Variants in PCDHGA12 observed in about 807,000 individuals in gnomAD.
The protein encoded by PCDHGA12 is protocadherin gamma-A12.
A neutral mutation model predicts 61.1 loss-of-function variants in PCDHGA12; 43 were observed. The ratio of observed to expected loss-of-function variants is 0.70; its 90% CI spans 0.55 to 0.91. The LOEUF (loss-of-function observed/expected upper bound fraction) is 0.91, where lower values mean the gene tolerates loss of function less well. Ranked by LOEUF, PCDHGA12 falls within the 40% of genes least tolerant of loss-of-function variation. PCDHGA12 has a pLI of 0.00. For synonymous variants in PCDHGA12, 520 were observed against 542.9 expected, an observed-to-expected ratio of 0.96 and a Z score of 0.59; for missense variants, 1,236 against 1,227.7, an observed-to-expected ratio of 1.01 and a Z score of -0.10.
chr5:141,454,857 G>C (rs1365819097), intron 1 of PCDHGA12, among the ~76,000 whole-genome samples: 2 of 131,566 alleles, frequency 1.5e-5, no homozygotes, highest in African/African-American at 6.0e-5. Context: ...ACCCAGGCTG[G>C]AGTGCAGTGG....
intron 1 of PCDHGA12, among the ~76,000 whole-genome samples, chr5:141,467,304 C>T (rs567912553): frequency 2.0e-5 from 3 of 152,266 alleles, no homozygotes; most frequent in Admixed American, 6.5e-5. Flanking sequence ...CCACTCACCT[C>T]GGCCTCCCAC....
rs2099747616 is a variant in PCDHGA12 at position 141,493,318 on chromosome 5, TA to T, written c.2425-1487del. 6.6e-6 allele frequency among the ~76,000 whole-genome samples: 1 copy of T among 152,234 alleles called. No homozygotes were observed. Among genetic ancestry groups the T allele is most frequent in the South Asian group, 2.1e-4 (1 of 4,828 alleles). On this transcript the variant is annotated intron_variant, in intron 1 of 3. Coordinates refer to ENST00000252085, the MANE Select transcript of PCDHGA12 (RefSeq NM_003735.3). This position sits in a 1 kb window ranked among gnomAD's most constrained non-coding sequence, Gnocchi z 4.3. ...TTCACAGAGCAAGTAAGAGAGATTC[TA>T]ACCCCTGTCTAACTCCAGAATGTGT...
intron 1 of PCDHGA12, among the ~76,000 whole-genome samples, chr5:141,452,664 T>C (rs557662640): frequency 6.6e-6 from 1 of 151,058 alleles, no homozygotes; most frequent in South Asian, 2.1e-4. Context: ...TCCACTGCAC[T>C]CCAGCCTAGG....
chr5:141,431,462 G>A lies in PCDHGA12; in HGVS notation c.703G>A (p.Ala235Thr). ...TARIRVMVLD[A>T]NDNAPAFAQP... is the part of the protein sequence containing the mutation. ...GCGCATCCGCGTGATGGTTCTGGAT[G>A]CGAACGACAACGCACCAGCGTTTGC... Residue 235 changes from alanine (A) to threonine (T), a missense_variant, in exon 1 of 4, where the codon GCG becomes ACG. Physicochemically the swap from Ala to Thr is moderately conservative, Grantham distance 58. Transcript: ENST00000252085. This position sits in a 1 kb window ranked among gnomAD's most constrained non-coding sequence, Gnocchi z 4.8. 6.2e-7 allele frequency: 1 copy of A among 1,613,826 alleles called. No individual in the cohort carries two copies. The highest frequency in any genetic ancestry group is 2.2e-5 in the East Asian group (1 of 44,886).
Position 141,476,214 on chromosome 5 carries a change from T to C in PCDHGA12, c.2425-18593T>C, listed in dbSNP as rs768153063. 1 of 1,613,974 alleles carries C rather than the reference T, an allele frequency of 6.2e-7. No homozygotes were observed. Among genetic ancestry groups the C allele is most frequent in the African/African-American group, 1.3e-5 (1 of 74,990 alleles). ...GCCTTGAACAAGGCTTCCACGGTCA[T>C]TCACTATGAGATCCCGGAGGAAAGA... On this transcript the variant is annotated intron_variant, in intron 1 of 3. Coordinates refer to ENST00000252085, the MANE Select transcript of PCDHGA12 (RefSeq NM_003735.3). The surrounding 1 kb of genome is among the most constrained non-coding windows in gnomAD (Gnocchi z 7.6).
At chr5:141,473,511 C>T (rs952034051) in intron 1 of PCDHGA12, among the ~76,000 whole-genome samples, 23 of 152,108 alleles carry the variant, frequency 1.5e-4, no homozygotes, top group Non-Finnish European at 3.1e-4. Flanking sequence ...GAGAGCATAA[C>T]AAAGGATCCT....
At position 141,431,897 on chromosome 5, in the gene PCDHGA12, G is replaced by C. The variant is rs1591112104; in HGVS notation, c.1138G>C (p.Gly380Arg). 6.2e-7 allele frequency: 1 copy of C among 1,613,830 alleles called. No homozygotes were observed. The highest frequency in any genetic ancestry group is 8.5e-7 in the Non-Finnish European group (1 of 1,179,704). ...NVNDQDSEEN[G>R]QVICFIQGNL... ...AAATGACCAAGATTCTGAGGAAAAC[G>C]GACAGGTGATCTGTTTCATCCAAGG... The change falls in exon 1 of 4, where the codon GGA becomes CGA. Residue 380 changes from glycine (G) to arginine (R), a missense_variant. Physicochemically the swap from Gly to Arg is moderately radical, Grantham distance 125. Coordinates refer to ENST00000252085, the MANE Select transcript of PCDHGA12 (RefSeq NM_003735.3). The surrounding 1 kb of genome is among the most constrained non-coding windows in gnomAD (Gnocchi z 4.8).
chr5:141,430,996 G>T lies in PCDHGA12; in HGVS notation c.237G>T (p.Pro79=). 6.2e-7 allele frequency: 1 copy of T among 1,614,024 alleles called. No homozygotes were observed. Among genetic ancestry groups the T allele is most frequent in the Middle Eastern group, 1.6e-4 (1 of 6,062 alleles). Residue 79 remains proline (P), a synonymous_variant, in exon 1 of 4, where the codon CCG becomes CCT. Coordinates refer to ENST00000252085, the MANE Select transcript of PCDHGA12 (RefSeq NM_003735.3). The part of the protein sequence containing the change: ...RGRTQLFALN[P]RSGSLVTAGR... ...GGACGCAGCTTTTCGCCCTGAATCC[G>T]CGCAGCGGCAGCTTGGTCACGGCGG...
chr5:141,480,137 A>G (rs1183663599), intron 1 of PCDHGA12, among the ~76,000 whole-genome samples: 2 of 152,096 alleles, frequency 1.3e-5, no homozygotes, highest in Non-Finnish European at 2.9e-5. Context: ...CTGTTAAACA[A>G]TTATTAGCCA....
At chr5:141,468,744 T>G (rs113912306) in intron 1 of PCDHGA12, among the ~76,000 whole-genome samples, 5,602 of 152,138 alleles carry the variant, frequency 0.037, 142 homozygotes, top group South Asian at 0.077. Flanking sequence ...CGGGTGCCTG[T>G]AGTCCCAGCT....
At chr5:141,450,881 G>A (rs1205242412) in intron 1 of PCDHGA12, among the ~76,000 whole-genome samples, 1 of 149,726 alleles carries the variant, frequency 6.7e-6, no homozygotes, top group African/African-American at 2.5e-5. Flanking sequence ...CTGGTGTGCA[G>A]TGGTGCGATA....
At chr5:141,473,283 A>G (rs2099318531) in intron 1 of PCDHGA12, among the ~76,000 whole-genome samples, 1 of 152,324 alleles carries the variant, frequency 6.6e-6, no homozygotes, top group Non-Finnish European at 1.5e-5. Flanking sequence ...TTATTTTACT[A>G]TGTCAGTAGC....
chr5:141,448,449 T>A (rs528049717), intron 1 of PCDHGA12, among the ~76,000 whole-genome samples: 1 of 152,166 alleles, frequency 6.6e-6, no homozygotes, highest in Non-Finnish European at 1.5e-5. Context: ...CTGACTTCCA[T>A]CCCTATCCTA....
chr5:141,487,751 G>A lies in PCDHGA12; in HGVS notation c.2425-7056G>A. ...CACCATTTTTGTAAGAGGTAACTAT[G>A]TGGTAGACGCTGTGCTTTGTAACTG... On this transcript the variant is annotated intron_variant, in intron 1 of 3. Coordinates refer to ENST00000252085, the MANE Select transcript of PCDHGA12 (RefSeq NM_003735.3). This position sits in a 1 kb window ranked among gnomAD's most constrained non-coding sequence, Gnocchi z 5.0. 1 of 1,555,004 alleles carries A rather than the reference G, an allele frequency of 6.4e-7. No homozygotes were observed.
At chr5:141,472,617 A>G (rs1024856184) in intron 1 of PCDHGA12, among the ~76,000 whole-genome samples, 3 of 152,138 alleles carry the variant, frequency 2.0e-5, no homozygotes, top group African/African-American at 7.2e-5. Flanking sequence ...CAAAGAAGAA[A>G]AAAGATAAAG....
chr5:141,463,308 A>G (rs1233755540), intron 1 of PCDHGA12, among the ~76,000 whole-genome samples: 1 of 151,660 alleles, frequency 6.6e-6, no homozygotes, highest in Admixed American at 6.6e-5. Context: ...CCAAACTCTA[A>G]TATCTATTCC....
At chr5:141,446,595 GCCTCC>G (rs2098508132) in intron 1 of PCDHGA12, among the ~76,000 whole-genome samples, 2 of 152,012 alleles carry the variant, frequency 1.3e-5, no homozygotes, top group South Asian at 4.1e-4. Context: ...TTCTGCCTCA[GCCTCC>G]TGAGTAGCTG....
Position 141,490,703 on chromosome 5 carries a change from G to GCCT in PCDHGA12, c.2425-4102_2425-4100dup. 6.2e-7 allele frequency: 1 copy of GCCT among 1,614,110 alleles called. No individual in the cohort carries two copies. The highest frequency in any genetic ancestry group is 8.5e-7 in the Non-Finnish European group (1 of 1,180,000). Reference sequence around the variant, plus strand: ...GATCCAGACACTGGGGATAATGCCCGCCTCACCTACTCCATTGTAGGAAAT... The same window carrying GCCT: ...GATCCAGACACTGGGGATAATGCCCGCCTCCTCACCTACTCCATTGTAGGAAAT... On this transcript the variant is annotated intron_variant, in intron 1 of 3. Transcript: ENST00000252085. This position sits in a 1 kb window ranked among gnomAD's most constrained non-coding sequence, Gnocchi z 5.4.
intron 1 of PCDHGA12, among the ~76,000 whole-genome samples, chr5:141,449,422 C>A (rs1041930577): frequency 4.0e-5 from 6 of 151,724 alleles, no homozygotes; most frequent in Non-Finnish European, 7.4e-5. Flanking sequence ...GCCTGGCCAA[C>A]ATGATAAAAC....
Sources: gnomAD v4.1 joint callset for allele counts (sites outside exome capture counted in the v4.1 genomes callset) on GRCh38, gnomAD v4.1.1 for gene constraint, Gnocchi (gnomAD v3.1) non-coding constraint, MANE v1.5 for transcripts, NCBI Gene and HGNC (gene_info 2026-07-23, HGNC 2026-07-21) for gene names.